IFT140: variants seen among roughly 807,000 people sequenced by gnomAD.
The protein encoded by IFT140 is intraflagellar transport 140, also known as intraflagellar transport protein 140 homolog.
In IFT140, 133 loss-of-function variants were observed where a neutral mutation model predicts 164.6. The observed-to-expected ratio is 0.81, with a 90% CI of 0.70 to 0.93. The LOEUF is 0.93. Among genes scored for constraint, IFT140 ranks in the 40% least tolerant of loss-of-function variants. IFT140 has a pLI of 0.00. For missense variants in IFT140, 2,045 were observed against 1,972.3 expected (o/e 1.04, Z -0.70); for synonymous variants, 860 against 817.3 (o/e 1.05, Z -0.89).
chr16:1,608,220 C>A (rs2036173174), intron 2 of IFT140, among the ~76,000 whole-genome samples: 2 of 152,194 alleles, frequency 1.3e-5, no homozygotes, highest in Non-Finnish European at 2.9e-5. Context: ...CACATCGTCC[C>A]TTTTCAGGCG....
At chr16:1,522,182 C>T (rs944394114) in intron 26 of IFT140, among the ~76,000 whole-genome samples, 22 of 152,010 alleles carry the variant, frequency 1.4e-4, no homozygotes, top group African/African-American at 5.3e-4. Context: ...CATGGTGAAA[C>T]CTCGTCTCTA....
intron 18 of IFT140, 105 bp downstream of exon 18, chr16:1,561,880 C>T (rs2033427441): frequency 8.3e-7 from 1 of 1,204,194 alleles, no homozygotes; most frequent in Non-Finnish European, 1.1e-6. Flanking sequence ...CCCGGCAGAG[C>T]CACGAGGGCT....
intron 18 of IFT140, among the ~76,000 whole-genome samples, chr16:1,559,051 G>C (rs1487321870): frequency 6.6e-6 from 1 of 152,216 alleles, no homozygotes; most frequent in African/African-American, 2.4e-5. Context: ...TCTTGGCACA[G>C]TGCAGAGCAT....
intron 13 of IFT140, among the ~76,000 whole-genome samples, chr16:1,571,738 T>A (rs974491882): frequency 6.6e-6 from 1 of 152,184 alleles, no homozygotes; most frequent in Non-Finnish European, 1.5e-5. Flanking sequence ...TGGACTCTAG[T>A]GCTGCGGGGG....
chr16:1,564,202 G>GC lies in IFT140; in HGVS notation c.1902-41dup. ...AAGACCCGTTTCAACCCCAGGGCGG[G>GC]CACTCCTGCTACCAGTCTCCCTCCC... On this transcript the variant is annotated intron_variant, in intron 16 of 30. Transcript: ENST00000426508. The surrounding 1 kb of genome is among the most constrained non-coding windows in gnomAD (Gnocchi z 5.5). The GC allele has an allele frequency of 6.6e-7, 1 of 1,510,220 alleles. No individual in the cohort carries two copies. Among genetic ancestry groups the GC allele is most frequent in the Non-Finnish European group, 9.0e-7 (1 of 1,116,474 alleles). 93.6% of individuals were successfully genotyped at this position (1,510,220 alleles called of 1,614,324 possible). A position where few individuals can be genotyped will look rare whatever the true frequency, so the allele number is the denominator to read the frequency against.
intron 20 of IFT140, chr16:1,526,329 C>A (rs2040695860): frequency 8.5e-6 from 5 of 588,260 alleles, no homozygotes; most frequent in Non-Finnish European, 1.5e-5. Context: ...CCTCCCACAG[C>A]CTCCCCAGAA....
At chr16:1,521,253 A>G (rs1235764955) in intron 26 of IFT140, among the ~76,000 whole-genome samples, 1 of 151,776 alleles carries the variant, frequency 6.6e-6, no homozygotes, top group East Asian at 1.9e-4. Context: ...TTCAGTAGAG[A>G]CGGGGTTTTG....
chr16:1,551,260 G>C lies in IFT140; in HGVS notation c.2399+6675C>G, dbSNP rs2032611403. On this transcript the variant is annotated intron_variant, in intron 19 of 30. Transcript: ENST00000426508. This position sits in a 1 kb window ranked among gnomAD's most constrained non-coding sequence, Gnocchi z 4.0. Reference sequence around the variant, plus strand: ...GGAGAGCGGCCAGAGCCACCCATGGGTAAAGACACAATGACCACGGCTGGC... The same window carrying C: ...GGAGAGCGGCCAGAGCCACCCATGGCTAAAGACACAATGACCACGGCTGGC... Among the ~76,000 whole-genome samples, 1 of 152,186 alleles carries C rather than the reference G, an allele frequency of 6.6e-6. No homozygotes were observed. The highest frequency in any genetic ancestry group is 2.4e-5 in the African/African-American group (1 of 41,454).
chr16:1,541,989 T>C, intron 19 of IFT140: 1 of 1,611,284 alleles, frequency 6.2e-7, no homozygotes, highest in Non-Finnish European at 8.5e-7. Context: ...CCAGCTCACC[T>C]TCCTCCTGGG....
At chr16:1,524,295 G>A in intron 24 of IFT140, 1 of 615,420 alleles carries the variant, frequency 1.6e-6, no homozygotes, top group African/African-American at 1.8e-5. Flanking sequence ...GCCGTGAGCA[G>A]CCTCACCACC....
chr16:1,518,173 TTG>T (rs1158579903), intron 30 of IFT140, 41 bp downstream of exon 30: 1 of 1,597,762 alleles, frequency 6.3e-7, no homozygotes, highest in Non-Finnish European at 8.5e-7. Flanking sequence ...TTCAGGAGCC[TTG>T]TGTGGCGGGA....
At chr16:1,516,748 C>T (rs1475541801) in intron 30 of IFT140, among the ~76,000 whole-genome samples, 10 of 132,388 alleles carry the variant, frequency 7.6e-5, no homozygotes, top group South Asian at 2.3e-4. Context: ...CCAGCCTGGG[C>T]GACAGAGCGA....
intron 4 of IFT140, among the ~76,000 whole-genome samples, chr16:1,596,467 A>G (rs1304391290): frequency 6.6e-6 from 1 of 150,386 alleles, no homozygotes; most frequent in Non-Finnish European, 1.5e-5. Context: ...CCAGGCTGCC[A>G]CCTGGAATGT....
chr16:1,592,712 G>T, intron 4 of IFT140, 124 bp from the exon 5 acceptor site: 1 of 1,432,956 alleles, frequency 7.0e-7, no homozygotes, highest in Admixed American at 2.3e-5. Flanking sequence ...CTGGTGGAGG[G>T]ACAGGTGTCC....
At chr16:1,524,436 C>T in intron 24 of IFT140, 116 bp downstream of exon 24, 2 of 1,375,110 alleles carry the variant, frequency 1.5e-6, no homozygotes, top group Non-Finnish European at 2.0e-6. Flanking sequence ...CAGTGAGTGG[C>T]AGACACTGGC....
In IFT140 at chr16:1,583,396, A is replaced by ACCAC. The variant is rs1400101828; in HGVS notation, c.1360-14_1360-11dup. On this transcript the variant is annotated splice_polypyrimidine_tract_variant and intron_variant, in intron 11 of 30. Coordinates refer to ENST00000426508, the MANE Select transcript of IFT140 (RefSeq NM_014714.4). ...AGACTGCGACAGCATCCTGAAAAGA[A>ACCAC]CCACGGACATTCGAGGCAAAGGGCG... 1 of 1,613,742 alleles carries ACCAC rather than the reference A, an allele frequency of 6.2e-7. No individual in the cohort carries two copies. Among genetic ancestry groups the ACCAC allele is most frequent in the East Asian group, 2.2e-5 (1 of 44,858 alleles).
At position 1,566,237 on chromosome 16, in the gene IFT140, C is replaced by G; in HGVS notation, c.1825G>C (p.Val609Leu). ...CCAGTCTTGAAGTCAAAGACGGTCA[C>G]TGTGTCCATTTCAACATCGTAGAAG... Reference protein sequence around the residue: ...ICFYDVEMDTVTVFDFKTGQI... With the variant: ...ICFYDVEMDTLTVFDFKTGQI... Residue 609 changes from valine (V) to leucine (L), a missense_variant, in exon 16 of 31, where the codon GTG becomes CTG. Val to Leu is a conservative substitution (Grantham distance 32, BLOSUM62 1). Transcript: ENST00000426508. The G allele has an allele frequency of 1.9e-6, 3 of 1,613,916 alleles. No individual in the cohort carries two copies. Among genetic ancestry groups the G allele is most frequent in the Non-Finnish European group, 1.7e-6 (2 of 1,179,790 alleles).
At chr16:1,599,325 G>C (rs1400057471) in intron 4 of IFT140, among the ~76,000 whole-genome samples, 1 of 83,100 alleles carries the variant, frequency 1.2e-5, no homozygotes, top group African/African-American at 7.3e-5. Context: ...AGGGAGGTGG[G>C]GGGGGTCAGC....
In IFT140 at chr16:1,553,219, T is replaced by G; in HGVS notation, c.2399+4716A>C. The G allele has an allele frequency of 1.0e-6, 1 of 979,538 alleles. No individual in the cohort carries two copies. The allele number at this position is 979,538 out of a possible 1,614,324, so 60.7% of individuals were successfully genotyped here. ...CTGTGTCTCTGTCTCTGTCTCTCTC[T>G]GTCTCCATCTGTCTCTGTGTCTGTC... On this transcript the variant is annotated intron_variant, in intron 19 of 30. Transcript: ENST00000426508. The surrounding 1 kb of genome is among the most constrained non-coding windows in gnomAD (Gnocchi z 4.4).
Sources: gnomAD v4.1 joint callset for allele counts (sites outside exome capture counted in the v4.1 genomes callset) on GRCh38, gnomAD v4.1.1 for gene constraint, Gnocchi (gnomAD v3.1) non-coding constraint, MANE v1.5 for transcripts, NCBI Gene and HGNC (gene_info 2026-07-23, HGNC 2026-07-21) for gene names.